CHRM3: variants seen among roughly 807,000 people sequenced by gnomAD.
CHRM3 encodes the protein cholinergic receptor muscarinic 3, also known as muscarinic acetylcholine receptor M3.
Under a neutral mutation model 41.8 loss-of-function variants are expected in CHRM3, and 11 were observed. That is an observed-to-expected ratio of 0.26 (90% CI 0.17 to 0.44). The LOEUF is 0.44. Among genes scored for constraint, CHRM3 ranks in the 20% least tolerant of loss-of-function variants. The pLI is 1.00. For synonymous variants in CHRM3, 297 were observed against 301.4 expected (o/e 0.99, Z 0.15); for missense variants, 571 against 745.4 (o/e 0.77, Z 2.72).
rs1409568632 is a variant in CHRM3 at position 239,913,215 on chromosome 1, A to G, written c.*3991A>G. On this transcript the variant is annotated 3_prime_UTR_variant, in exon 7 of 7. Coordinates refer to ENST00000676153, the MANE Select transcript of CHRM3 (RefSeq NM_001375978.1). Reference sequence around the variant, plus strand: ...AACCCGGAGTAGTATGGTTTCAAATACCACTCCAACCCAGCACCTGAGGTC... The same window carrying G: ...AACCCGGAGTAGTATGGTTTCAAATGCCACTCCAACCCAGCACCTGAGGTC... 2 of 167,038 alleles carry G rather than the reference A, an allele frequency of 1.2e-5. No individual in the cohort carries two copies. The highest frequency in any genetic ancestry group is 1.9e-4 in the East Asian group (1 of 5,194). 10.3% of individuals were successfully genotyped at this position (167,038 alleles called of 1,614,324 possible).
chr1:239,400,641 T>G (rs1246019728), intron 1 of CHRM3, among the ~76,000 whole-genome samples: 2 of 152,222 alleles, frequency 1.3e-5, no homozygotes, highest in African/African-American at 4.8e-5. Context: ...TGGTGTGAGA[T>G]AAGATCCAAT....
chr1:239,439,989 G>A lies in CHRM3; in HGVS notation c.-520-52720G>A, dbSNP rs1663580126. 2.0e-5 allele frequency among the ~76,000 whole-genome samples: 3 copies of A among 151,334 alleles called. No homozygotes were observed. In the South Asian group the frequency reaches 6.3e-4, roughly 32 times the overall value. ...CTGAGGCAGGCGGATCACGAGGTTA[G>A]GAGTTCGAGACTAGCCTGACCAACA... is the stretch of plus-strand genomic sequence containing the variant. On this transcript the variant is annotated intron_variant, in intron 1 of 6. Transcript: ENST00000676153.
intron 5 of CHRM3, among the ~76,000 whole-genome samples, chr1:239,692,016 C>A (rs1380756732): frequency 6.6e-6 from 1 of 152,210 alleles, no homozygotes; most frequent in Non-Finnish European, 1.5e-5. Flanking sequence ...CAGTGTCTTA[C>A]ATCAGTTTCC....
At chr1:239,719,429 A>G (rs1033015984) in intron 5 of CHRM3, 2 of 152,010 alleles carry the variant, frequency 1.3e-5, no homozygotes, top group Non-Finnish European at 2.9e-5. Flanking sequence ...GGCAGTTCTA[A>G]GGTGATTACA....
At chr1:239,762,296 T>A (rs1186050945) in intron 5 of CHRM3, among the ~76,000 whole-genome samples, 1 of 152,214 alleles carries the variant, frequency 6.6e-6, no homozygotes, top group Non-Finnish European at 1.5e-5. Flanking sequence ...TGCGGTTTTT[T>A]ACTTTCTCTA....
chr1:239,584,842 T>C (rs1408650589), intron 3 of CHRM3, among the ~76,000 whole-genome samples: 2 of 152,148 alleles, frequency 1.3e-5, no homozygotes, highest in Non-Finnish European at 2.9e-5. Context: ...TATATGGACA[T>C]TGTGTTGGTG....
At chr1:239,405,469 A>G (rs1572183628) in intron 1 of CHRM3, among the ~76,000 whole-genome samples, 1 of 152,308 alleles carries the variant, frequency 6.6e-6, no homozygotes. Context: ...ATTTCTAAAC[A>G]AGCCTGATTC....
chr1:239,438,195 T>C (rs1663423426), intron 1 of CHRM3, among the ~76,000 whole-genome samples: 1 of 152,254 alleles, frequency 6.6e-6, no homozygotes, highest in South Asian at 2.1e-4. Flanking sequence ...TACATTTATT[T>C]CCACTATAGA....
intron 3 of CHRM3, among the ~76,000 whole-genome samples, chr1:239,583,198 C>T (rs1663067536): frequency 6.6e-6 from 1 of 152,092 alleles, no homozygotes; most frequent in Non-Finnish European, 1.5e-5. Context: ...TATGAGTGAA[C>T]CATACGGGAA....
intron 3 of CHRM3, among the ~76,000 whole-genome samples, chr1:239,566,193 G>A (rs1661349093): frequency 1.3e-5 from 2 of 152,204 alleles, no homozygotes; most frequent in South Asian, 2.1e-4. Flanking sequence ...GATTACAGGC[G>A]TGAGCCATCA....
intron 3 of CHRM3, among the ~76,000 whole-genome samples, chr1:239,555,483 G>A (rs1453745694): frequency 1.3e-5 from 2 of 152,134 alleles, no homozygotes; most frequent in Non-Finnish European, 2.9e-5. Flanking sequence ...CCAGAACAAT[G>A]AGGACTTGCT....
intron 1 of CHRM3, among the ~76,000 whole-genome samples, chr1:239,481,162 G>GA (rs1434789400): frequency 3.9e-5 from 6 of 152,232 alleles, no homozygotes; most frequent in African/African-American, 1.4e-4. Context: ...ATTTTGAATG[G>GA]AAAAAATCAG....
chr1:239,764,983 A>G (rs989004755), intron 5 of CHRM3, among the ~76,000 whole-genome samples: 4 of 152,364 alleles, frequency 2.6e-5, no homozygotes, highest in South Asian at 2.1e-4. Flanking sequence ...GCCTTTTTCC[A>G]TCATCTACAT....
intron 1 of CHRM3, among the ~76,000 whole-genome samples, chr1:239,451,556 C>T (rs2103323620): frequency 6.6e-6 from 1 of 152,244 alleles, no homozygotes; most frequent in Admixed American, 6.5e-5. Context: ...TCACTCCACC[C>T]ATGCCGTACA....
intron 5 of CHRM3, among the ~76,000 whole-genome samples, chr1:239,696,941 C>T (rs1237223250): frequency 6.6e-6 from 1 of 151,996 alleles, no homozygotes; most frequent in Non-Finnish European, 1.5e-5. Context: ...TTTTGGTAGC[C>T]CAAGGTTGGT....
In CHRM3 at chr1:239,492,312, T is replaced by TC. The variant is rs1356726315; in HGVS notation, c.-520-394dup. Reference sequence around the variant, plus strand: ...ACATTCTCTGTTATGACCCCTTTCTTCCCATAGTAGGTAGATTTTGTAAGA... The same window carrying TC: ...ACATTCTCTGTTATGACCCCTTTCTTCCCCATAGTAGGTAGATTTTGTAAGA... On this transcript the variant is annotated intron_variant, in intron 1 of 6. Transcript: ENST00000676153. Among the ~76,000 whole-genome samples the TC allele has an allele frequency of 3.3e-5, 5 of 152,330 alleles. No homozygotes were observed. The East Asian group carries it at 9.6e-4, about 29-fold the overall frequency.
intron 2 of CHRM3, among the ~76,000 whole-genome samples, chr1:239,529,314 A>G (rs1217657012): frequency 1.3e-5 from 2 of 152,174 alleles, no homozygotes; most frequent in African/African-American, 2.4e-5. Context: ...CTGATACATT[A>G]TAAGATGCCT....
At chr1:239,553,927 C>T (rs1660100240) in intron 3 of CHRM3, among the ~76,000 whole-genome samples, 2 of 152,064 alleles carry the variant, frequency 1.3e-5, no homozygotes, top group Non-Finnish European at 2.9e-5. Flanking sequence ...CTCACTCTGT[C>T]GCCCAGGCTA....
chr1:239,570,295 G>A (rs1029132138), intron 3 of CHRM3, among the ~76,000 whole-genome samples: 4 of 152,252 alleles, frequency 2.6e-5, no homozygotes, highest in South Asian at 4.1e-4. Flanking sequence ...TTCATCTACT[G>A]CCATGACTGT....
Sources: gnomAD v4.1 joint callset for allele counts (sites outside exome capture counted in the v4.1 genomes callset) on GRCh38, gnomAD v4.1.1 for gene constraint, MANE v1.5 for transcripts, NCBI Gene and HGNC (gene_info 2026-07-23, HGNC 2026-07-21) for gene names.